Variants in CYTH3 observed in about 807,000 individuals in gnomAD.
The protein encoded by CYTH3 is cytohesin-3.
Under a neutral mutation model 55.1 loss-of-function variants are expected in CYTH3, and 23 were observed. The observed-to-expected ratio is 0.42, with a 90% CI of 0.30 to 0.59. The LOEUF (loss-of-function observed/expected upper bound fraction) is 0.59, where lower values mean the gene tolerates loss of function less well. Among genes scored for constraint, CYTH3 ranks in the 20% least tolerant of loss-of-function variants. The pLI, the probability that CYTH3 is intolerant of heterozygous loss-of-function variation, is 0.20. For synonymous variants in CYTH3, 249 were observed against 194.9 expected, an observed-to-expected ratio of 1.28 and a Z score of -2.31; for missense variants, 413 against 524.8, an observed-to-expected ratio of 0.79 and a Z score of 2.08.
intron 1 of CYTH3, among the ~76,000 whole-genome samples, chr7:6,256,800 G>A (rs1345884958): frequency 6.6e-6 from 1 of 152,212 alleles, no homozygotes; most frequent in Non-Finnish European, 1.5e-5. Flanking sequence ...GGGAGCCAAG[G>A]GAGGGCAGGA....
intron 2 of CYTH3, among the ~76,000 whole-genome samples, chr7:6,188,510 G>C (rs938938749): frequency 6.6e-6 from 1 of 151,682 alleles, no homozygotes; most frequent in African/African-American, 2.4e-5. Context: ...TGTTTAGATC[G>C]GTGGTCTCAG....
intron 4 of CYTH3, among the ~76,000 whole-genome samples, chr7:6,181,902 T>C (rs2128541806): frequency 6.6e-6 from 1 of 152,330 alleles, no homozygotes; most frequent in South Asian, 2.1e-4. Context: ...AGTTTTCATT[T>C]CCAAGGTTCT....
intron 1 of CYTH3, 53 bp from the exon 2 acceptor site, chr7:6,190,584 C>T: frequency 1.4e-6 from 2 of 1,423,294 alleles, no homozygotes; most frequent in Non-Finnish European, 1.9e-6. Context: ...TGGCAACATC[C>T]AGCAAGGTTG....
chr7:6,164,784 C>T lies in CYTH3; in HGVS notation c.*160G>A. ...CCACCTCCCAGGACCCCAGCCACGGCACGAGGCCTTGGGGATACCACCTGG... is the reference window on the plus strand; with the variant it reads ...CCACCTCCCAGGACCCCAGCCACGGTACGAGGCCTTGGGGATACCACCTGG... On this transcript the variant is annotated 3_prime_UTR_variant, in exon 13 of 13. Transcript: ENST00000350796. 1 of 783,836 alleles carries T rather than the reference C, an allele frequency of 1.3e-6. No individual in the cohort carries two copies. Among genetic ancestry groups the T allele is most frequent in the Non-Finnish European group, 2.1e-6 (1 of 466,520 alleles). The allele number at this position is 783,836 out of a possible 1,614,324, so 48.6% of individuals were successfully genotyped here. A position where few individuals can be genotyped will look rare whatever the true frequency, so the allele number is the denominator to read the frequency against.
chr7:6,195,046 C>T (rs893803964), intron 1 of CYTH3, among the ~76,000 whole-genome samples: 1 of 151,556 alleles, frequency 6.6e-6, no homozygotes, highest in African/African-American at 2.4e-5. Flanking sequence ...AAAAAGTAGG[C>T]CATATCTTCT....
intron 1 of CYTH3, among the ~76,000 whole-genome samples, chr7:6,236,706 C>T (rs1462159423): frequency 6.6e-6 from 1 of 152,088 alleles, no homozygotes; most frequent in African/African-American, 2.4e-5. Context: ...GGATTACAGG[C>T]GCATGCCACC....
At chr7:6,185,569 A>C (rs377246879) in intron 4 of CYTH3, among the ~76,000 whole-genome samples, 2 of 151,600 alleles carry the variant, frequency 1.3e-5, no homozygotes, top group South Asian at 2.1e-4. Context: ...GCATGGTGGC[A>C]GGCACCTGTA....
chr7:6,171,432 T>A lies in CYTH3; in HGVS notation c.450-118A>T. ...TCCTCCCGAGCCTGGGGTACAGCTCTGGCAGGGGCTTGGGGGCGCAGAGAC... is the reference window on the plus strand; with the variant it reads ...TCCTCCCGAGCCTGGGGTACAGCTCAGGCAGGGGCTTGGGGGCGCAGAGAC... On this transcript the variant is annotated intron_variant, in intron 6 of 12. Coordinates refer to ENST00000350796, the MANE Select transcript of CYTH3 (RefSeq NM_004227.4). This position sits in a 1 kb window ranked among gnomAD's most constrained non-coding sequence, Gnocchi z 6.7. The A allele has an allele frequency of 1.2e-6, 1 of 826,190 alleles. No homozygotes were observed. Among genetic ancestry groups the A allele is most frequent in the Non-Finnish European group, 2.0e-6 (1 of 511,860 alleles). 51.2% of individuals were successfully genotyped at this position (826,190 alleles called of 1,614,324 possible).
chr7:6,247,422 G>A (rs778556390), intron 1 of CYTH3, among the ~76,000 whole-genome samples: 7 of 151,584 alleles, frequency 4.6e-5, no homozygotes, highest in African/African-American at 9.7e-5. Flanking sequence ...GAAACAGCTC[G>A]TTTTTTTTCA....
At chr7:6,192,030 T>C (rs1395785090) in intron 1 of CYTH3, among the ~76,000 whole-genome samples, 3 of 151,976 alleles carry the variant, frequency 2.0e-5, no homozygotes, top group African/African-American at 2.4e-5. Context: ...CAGTGAGCTA[T>C]GATCATGACT....
intron 1 of CYTH3, among the ~76,000 whole-genome samples, chr7:6,260,276 A>G (rs183591860): frequency 2.0e-5 from 3 of 152,296 alleles, no homozygotes; most frequent in African/African-American, 4.8e-5. Flanking sequence ...TCTTAAAACT[A>G]TATCTACCTC....
At chr7:6,267,349 G>A (rs1310505862) in intron 1 of CYTH3, among the ~76,000 whole-genome samples, 1 of 152,170 alleles carries the variant, frequency 6.6e-6, no homozygotes, top group Non-Finnish European at 1.5e-5. Context: ...GTATTTGGTA[G>A]AGACACCATC....
At chr7:6,261,733 CTTACT>C (rs1442472561) in intron 1 of CYTH3, among the ~76,000 whole-genome samples, 5 of 149,818 alleles carry the variant, frequency 3.3e-5, no homozygotes, top group Admixed American at 2.0e-4. Flanking sequence ...GTGATATTCC[CTTACT>C]TTAACTGCCT....
chr7:6,191,796 G>C (rs1325120340), intron 1 of CYTH3, among the ~76,000 whole-genome samples: 1 of 152,044 alleles, frequency 6.6e-6, no homozygotes, highest in East Asian at 1.9e-4. Context: ...TAAGAAACTA[G>C]GCCAGGCAAG....
intron 4 of CYTH3, among the ~76,000 whole-genome samples, chr7:6,179,840 C>T (rs1424596624): frequency 1.6e-5 from 2 of 124,446 alleles, no homozygotes; most frequent in Non-Finnish European, 3.5e-5. Context: ...ACACCACATA[C>T]ACCACACCAC....
intron 1 of CYTH3, among the ~76,000 whole-genome samples, chr7:6,215,447 G>A (rs539240716): frequency 2.6e-5 from 4 of 152,108 alleles, no homozygotes; most frequent in East Asian, 3.9e-4. Flanking sequence ...AAAATTAGCC[G>A]GGTGTGGTGG....
chr7:6,219,328 G>T (rs529535650), intron 1 of CYTH3, among the ~76,000 whole-genome samples: 4 of 152,278 alleles, frequency 2.6e-5, no homozygotes, highest in Admixed American at 2.0e-4. Flanking sequence ...TTCTTCTTGC[G>T]CTTATAGTAA....
At chr7:6,185,434 C>T (rs568975322) in intron 4 of CYTH3, among the ~76,000 whole-genome samples, 17 of 151,840 alleles carry the variant, frequency 1.1e-4, no homozygotes, top group East Asian at 9.7e-4. Flanking sequence ...ACTGGGCTCA[C>T]GCCTGTAATC....
intron 1 of CYTH3, among the ~76,000 whole-genome samples, chr7:6,257,768 T>A (rs1017047730): frequency 1.3e-5 from 2 of 152,198 alleles, no homozygotes; most frequent in African/African-American, 4.8e-5. Context: ...ACCAGATGCC[T>A]TGAGCTCCAA....
Sources: allele counts gnomAD v4.1 joint callset (sites outside exome capture counted in the v4.1 genomes callset), GRCh38; gene constraint gnomAD v4.1.1; non-coding constraint Gnocchi (gnomAD v3.1); transcripts MANE v1.5; gene names NCBI Gene and HGNC (gene_info 2026-07-23, HGNC 2026-07-21).